The following MLLT10 variants were observed in gnomAD, a reference collection of about 807,000 sequenced individuals.
The protein encoded by MLLT10 is MLLT10 histone lysine methyltransferase DOT1L cofactor.
Under a neutral mutation model 129.1 loss-of-function variants are expected in MLLT10, and 30 were observed. The observed-to-expected ratio is 0.23, with a 90% CI of 0.17 to 0.32. The LOEUF (loss-of-function observed/expected upper bound fraction) is 0.32, where lower values mean the gene tolerates loss of function less well. Ranked by LOEUF, MLLT10 falls within the 10% of genes least tolerant of loss-of-function variation. The pLI, the probability that MLLT10 is intolerant of heterozygous loss-of-function variation, is 1.00. For missense variants in MLLT10, 1,119 were observed against 1,268.3 expected (o/e 0.88, Z 1.79); for synonymous variants, 490 against 446.4 (o/e 1.10, Z -1.23).
intron 3 of MLLT10, among the ~76,000 whole-genome samples, chr10:21,567,602 C>G (rs1275428472): frequency 6.6e-6 from 1 of 152,142 alleles, no homozygotes; most frequent in African/African-American, 2.4e-5. Context: ...TTAATTTTCT[C>G]TGACACTACC....
chr10:21,718,667 A>G (rs941187493), intron 14 of MLLT10, among the ~76,000 whole-genome samples: 1 of 152,110 alleles, frequency 6.6e-6, no homozygotes. Context: ...TAAACTTCCA[A>G]GGTTTATTTA....
At chr10:21,626,196 A>G (rs1332518992) in intron 8 of MLLT10, 34 of 1,603,904 alleles carry the variant, frequency 2.1e-5, no homozygotes, top group Non-Finnish European at 2.8e-5. Context: ...CTTTCCTTGA[A>G]CTGCTGTAGT....
intron 8 of MLLT10, among the ~76,000 whole-genome samples, chr10:21,621,184 T>TG (rs2045804041): frequency 7.7e-6 from 1 of 130,360 alleles, no homozygotes; most frequent in Non-Finnish European, 1.6e-5. Flanking sequence ...TTAGTAGAGA[T>TG]GGGGTTTCAC....
At chr10:21,538,152 T>A (rs2034418212) in intron 2 of MLLT10, among the ~76,000 whole-genome samples, 1 of 149,080 alleles carries the variant, frequency 6.7e-6, no homozygotes, top group Non-Finnish European at 1.5e-5. Context: ...CGTGCCCAGC[T>A]AATTTTTTTT....
chr10:21,734,628 T>G (rs1389840757), intron 20 of MLLT10, among the ~76,000 whole-genome samples: 3 of 152,220 alleles, frequency 2.0e-5, no homozygotes, highest in African/African-American at 7.2e-5. Context: ...TATGTTGTTA[T>G]TAAGCATACT....
intron 3 of MLLT10, among the ~76,000 whole-genome samples, chr10:21,562,041 G>T (rs1231404369): frequency 4.6e-5 from 7 of 151,612 alleles, no homozygotes; most frequent in Non-Finnish European, 7.4e-5. Flanking sequence ...CCCAATCTTG[G>T]TTGATCTGCC....
intron 3 of MLLT10, among the ~76,000 whole-genome samples, chr10:21,576,923 G>A (rs955712540): frequency 1.3e-5 from 2 of 152,142 alleles, no homozygotes; most frequent in African/African-American, 4.8e-5. Context: ...GGGCCACTGC[G>A]CCCGGCCAAT....
chr10:21,584,455 G>A (rs1166196185), intron 3 of MLLT10, among the ~76,000 whole-genome samples: 4 of 151,940 alleles, frequency 2.6e-5, no homozygotes, highest in South Asian at 2.1e-4. Flanking sequence ...GAGCCACCGC[G>A]CCCAGCCAAT....
At chr10:21,733,705 T>C (rs1184112356) in intron 19 of MLLT10, 63 bp from the exon 20 acceptor site, 1 of 1,533,962 alleles carries the variant, frequency 6.5e-7, no homozygotes, top group African/African-American at 1.4e-5. Context: ...ACTTAGTTTC[T>C]CTTCTTTCTT....
At chr10:21,664,417 G>T (rs192621712) in intron 9 of MLLT10, among the ~76,000 whole-genome samples, 1 of 150,884 alleles carries the variant, frequency 6.6e-6, no homozygotes, top group African/African-American at 2.4e-5. Flanking sequence ...AGGTTCAAGC[G>T]ATTCTCCTGT....
intron 9 of MLLT10, among the ~76,000 whole-genome samples, chr10:21,660,742 C>T (rs1045018346): frequency 5.3e-5 from 8 of 150,012 alleles, no homozygotes; most frequent in Admixed American, 6.6e-5. Context: ...GGTATGGTGC[C>T]GGACGCCTGT....
intron 3 of MLLT10, among the ~76,000 whole-genome samples, chr10:21,543,778 C>G (rs1193680895): frequency 6.6e-6 from 1 of 152,122 alleles, no homozygotes. Context: ...TATGCCCGGT[C>G]TGTAGTGTAT....
intron 8 of MLLT10, among the ~76,000 whole-genome samples, chr10:21,620,999 T>C (rs1188013003): frequency 5.9e-5 from 9 of 151,370 alleles, no homozygotes; most frequent in Admixed American, 4.6e-4. Context: ...TTTTTTTTTT[T>C]CCTGAGACGG....
intron 4 of MLLT10, among the ~76,000 whole-genome samples, chr10:21,592,711 G>C (rs1377096818): frequency 6.6e-6 from 1 of 152,068 alleles, no homozygotes; most frequent in Non-Finnish European, 1.5e-5. Flanking sequence ...TCATCCGCCC[G>C]CCTTGGCCTT....
In MLLT10 at chr10:21,590,287, G is replaced by T. The variant is rs571835110; in HGVS notation, c.295+3939G>T. Among the ~76,000 whole-genome samples, 8 of 151,976 alleles carry T rather than the reference G, an allele frequency of 5.3e-5. No homozygotes were observed. In the South Asian group the frequency reaches 1.7e-3, roughly 32 times the overall value. ...ATTTTGGTGCGCTCTATTTTTCCAA[G>T]AAATTTAACTACTTTGTATAAGTTG... On this transcript the variant is annotated intron_variant, in intron 4 of 22. Coordinates refer to ENST00000307729, the MANE Select transcript of MLLT10 (RefSeq NM_001195626.3).
chr10:21,692,288 G>A (rs1343256748), intron 13 of MLLT10, among the ~76,000 whole-genome samples: 2 of 152,056 alleles, frequency 1.3e-5, no homozygotes, highest in African/African-American at 4.8e-5. Flanking sequence ...AAAGTTGCAA[G>A]TACTGGGGAT....
intron 13 of MLLT10, among the ~76,000 whole-genome samples, chr10:21,704,016 G>GTTTTTTTTT (rs60982595): frequency 0.029 from 1,658 of 56,488 alleles, 54 homozygotes; most frequent in Non-Finnish European, 0.038. Context: ...ATTGTTTTTT[G>GTTTTTTTTT]TTTTTTTTTT....
intron 13 of MLLT10, among the ~76,000 whole-genome samples, chr10:21,689,614 T>TACACAC (rs1187088884): frequency 1.4e-5 from 2 of 141,120 alleles, no homozygotes; most frequent in African/African-American, 5.4e-5. Flanking sequence ...TATATATATA[T>TACACAC]ATATACACAC....
chr10:21,595,599 T>G, intron 5 of MLLT10, 159 bp downstream of exon 5: 1 of 559,006 alleles, frequency 1.8e-6, no homozygotes, highest in East Asian at 2.8e-5. Context: ...TATTAATATG[T>G]TACTAAGGTC....
Sources: gnomAD v4.1 joint callset for allele counts (sites outside exome capture counted in the v4.1 genomes callset) on GRCh38, gnomAD v4.1.1 for gene constraint, MANE v1.5 for transcripts, NCBI Gene and HGNC (gene_info 2026-07-23, HGNC 2026-07-21) for gene names.